TNNI3K: variants seen among roughly 807,000 people sequenced by gnomAD.
TNNI3K encodes TNNI3 interacting kinase, also known as serine/threonine-protein kinase TNNI3K.
Under a neutral mutation model 114.5 loss-of-function variants are expected in TNNI3K, and 140 were observed. The ratio of observed to expected loss-of-function variants is 1.22; its 90% confidence interval spans 1.07 to 1.41. The LOEUF (loss-of-function observed/expected upper bound fraction) is 1.41, where lower values mean the gene tolerates loss of function less well. Among genes scored for constraint, TNNI3K ranks in the 40% most tolerant of loss-of-function variants. The pLI is 0.00. For missense variants in TNNI3K, 1,125 were observed against 1,007.6 expected (o/e 1.12, Z -1.58); for synonymous variants, 347 against 347.5 (o/e 1.00, Z 0.02).
chr1:74,528,211 G>A (rs1646532213), intron 23 of TNNI3K, among the ~76,000 whole-genome samples: 1 of 152,202 alleles, frequency 6.6e-6, no homozygotes, highest in African/African-American at 2.4e-5. Context: ...AGTGCCTGGT[G>A]GAAGGAAGTT....
intron 20 of TNNI3K, among the ~76,000 whole-genome samples, chr1:74,460,087 T>A (rs180728548): frequency 6.6e-6 from 1 of 152,242 alleles, no homozygotes; most frequent in African/African-American, 2.4e-5. Context: ...AACTTTTTTT[T>A]TTTTTTGAGA....
At chr1:74,489,866 A>C (rs887977389) in intron 22 of TNNI3K, among the ~76,000 whole-genome samples, 1 of 152,120 alleles carries the variant, frequency 6.6e-6, no homozygotes, top group African/African-American at 2.4e-5. Context: ...CTACTTGAAA[A>C]ATAATATATT....
At position 74,353,159 on chromosome 1, in the gene TNNI3K, G is replaced by C. The variant is rs921666720; in HGVS notation, c.933-107G>C. The C allele has an allele frequency of 3.0e-5, 34 of 1,132,104 alleles. 1 individual carries two copies. The East Asian group carries it at 8.7e-4, about 29-fold the overall frequency. The allele number at this position is 1,132,104 out of a possible 1,614,324, so 70.1% of individuals were successfully genotyped here. On this transcript the variant is annotated intron_variant, in intron 9 of 24. Coordinates refer to ENST00000326637, the MANE Select transcript of TNNI3K (RefSeq NM_015978.3). ...AATACAGTCTCATTGTCAGGTTATG[G>C]GGGTTATAACTTCAGCATATGATTT...
intron 20 of TNNI3K, among the ~76,000 whole-genome samples, chr1:74,444,672 G>A (rs1485719853): frequency 2.0e-5 from 3 of 151,462 alleles, no homozygotes; most frequent in East Asian, 3.9e-4. Flanking sequence ...CACAGAATTA[G>A]AAAAAAAATT....
Position 74,463,483 on chromosome 1 carries a change from C to A in TNNI3K, c.2054C>A (p.Pro685His). ...ADMAYHHIRP[P>H]IGYSIPKPIS... ...ATGGCTTACCACCACATCAGACCTCCCATTGGCTATTCCATTCCCAAGCCC... is the reference window on the plus strand; with the variant it reads ...ATGGCTTACCACCACATCAGACCTCACATTGGCTATTCCATTCCCAAGCCC... Residue 685 changes from proline (P) to histidine (H), a missense_variant, in exon 21 of 25, where the codon CCC becomes CAC. Physicochemically the swap from Pro to His is moderately conservative, Grantham distance 77 (BLOSUM62 -2). Transcript: ENST00000326637. 1 of 1,614,198 alleles carries A rather than the reference C, an allele frequency of 6.2e-7. No homozygotes were observed. Among genetic ancestry groups the A allele is most frequent in the East Asian group, 2.2e-5 (1 of 44,882 alleles).
chr1:74,531,256 C>A (rs993251836), intron 23 of TNNI3K, among the ~76,000 whole-genome samples: 2 of 152,194 alleles, frequency 1.3e-5, no homozygotes, highest in Admixed American at 1.3e-4. Context: ...CAATTTAGGA[C>A]ATTGTCAAGT....
At chr1:74,532,522 T>C (rs1032223888) in intron 23 of TNNI3K, among the ~76,000 whole-genome samples, 7 of 152,052 alleles carry the variant, frequency 4.6e-5, no homozygotes, top group African/African-American at 1.7e-4. Context: ...ATGTGCACAA[T>C]GTGCAGGTTA....
chr1:74,352,473 G>A (rs896212032), intron 9 of TNNI3K, among the ~76,000 whole-genome samples: 5 of 152,220 alleles, frequency 3.3e-5, no homozygotes, highest in African/African-American at 1.2e-4. Flanking sequence ...CATGCTGGGA[G>A]AACCACTACT....
At chr1:74,465,807 C>T (rs188787027) in intron 21 of TNNI3K, among the ~76,000 whole-genome samples, 157 of 152,250 alleles carry the variant, frequency 1.0e-3, no homozygotes, top group African/African-American at 3.5e-3. Context: ...AGCTCAGGGA[C>T]CGTAAACACA....
chr1:74,498,472 T>A (rs1428893662), intron 23 of TNNI3K, among the ~76,000 whole-genome samples: 2 of 152,224 alleles, frequency 1.3e-5, no homozygotes, highest in Admixed American at 6.5e-5. Context: ...AATTCTCTTC[T>A]TTTTTGTTTT....
chr1:74,342,267 A>G (rs1660783674), intron 7 of TNNI3K, among the ~76,000 whole-genome samples: 2 of 152,232 alleles, frequency 1.3e-5, no homozygotes, highest in Non-Finnish European at 2.9e-5. Context: ...TAACCTGTCT[A>G]AAGTAAAAGA....
chr1:74,240,835 G>A (rs1654149751), intron 2 of TNNI3K: 1 of 151,304 alleles, frequency 6.6e-6, no homozygotes, highest in African/African-American at 2.4e-5. Flanking sequence ...ACAACATGCA[G>A]GTTAGTTACA....
At position 74,319,305 on chromosome 1, in the gene TNNI3K, G is replaced by A. The variant is rs552661960; in HGVS notation, c.445-12145G>A. On this transcript the variant is annotated intron_variant, in intron 5 of 24. Coordinates refer to ENST00000326637, the MANE Select transcript of TNNI3K (RefSeq NM_015978.3). ...GGCACCTGAGGGAGAGGTCAAGAGA[G>A]TATAAGACAAAATCATAATCTTGTT... Among the ~76,000 whole-genome samples the A allele has an allele frequency of 9.2e-5, 14 of 152,272 alleles. 1 individual carries two copies. Among genetic ancestry groups the A allele is most frequent in the Admixed American group, 7.2e-4 (11 of 15,310 alleles).
At chr1:74,521,520 A>G (rs966057145) in intron 23 of TNNI3K, among the ~76,000 whole-genome samples, 16 of 152,120 alleles carry the variant, frequency 1.1e-4, no homozygotes, top group Non-Finnish European at 1.9e-4. Flanking sequence ...GTATGTGTAT[A>G]TATATATATA....
Position 74,534,195 on chromosome 1 carries a change from A to G in TNNI3K, c.2352-6039A>G, listed in dbSNP as rs564761771. 4.3e-5 allele frequency among the ~76,000 whole-genome samples: 6 copies of G among 138,590 alleles called. No homozygotes were observed. The East Asian group carries it at 9.2e-4, about 21-fold the overall frequency. The allele number at this position is 138,590 out of a possible 152,430, so 90.9% of individuals were successfully genotyped here. A position where few individuals can be genotyped will look rare whatever the true frequency, so the allele number is the denominator to read the frequency against. On this transcript the variant is annotated intron_variant, in intron 23 of 24. Coordinates refer to ENST00000326637, the MANE Select transcript of TNNI3K (RefSeq NM_015978.3). The stretch of plus-strand genomic sequence containing the variant: ...GTTCTGGGTCTCTTTATTTAAAACA[A>G]TTCTCTGTAATTGTTTTAATTTCAC...
At chr1:74,347,450 G>T (rs1049009796) in intron 9 of TNNI3K, among the ~76,000 whole-genome samples, 1 of 151,884 alleles carries the variant, frequency 6.6e-6, no homozygotes, top group Admixed American at 6.6e-5. Context: ...GAATAGTGCC[G>T]CAATAAACAT....
chr1:74,392,865 A>G (rs1663864008), intron 17 of TNNI3K, among the ~76,000 whole-genome samples: 1 of 152,224 alleles, frequency 6.6e-6, no homozygotes, highest in Non-Finnish European at 1.5e-5. Context: ...GGGAAGCATA[A>G]TTAAGGTTCA....
intron 23 of TNNI3K, among the ~76,000 whole-genome samples, chr1:74,494,068 G>A (rs114597575): frequency 6.6e-6 from 1 of 152,146 alleles, no homozygotes; most frequent in African/African-American, 2.4e-5. Flanking sequence ...ACCCTGAAGA[G>A]TGCATACTTT....
intron 21 of TNNI3K, 78 bp from the exon 22 acceptor site, chr1:74,489,111 A>C (rs867309470): frequency 1.7e-6 from 2 of 1,199,656 alleles, no homozygotes; most frequent in Middle Eastern, 2.7e-4. Flanking sequence ...TACAAATGCT[A>C]ATACCCAATT....
Sources: allele counts gnomAD v4.1 joint callset (sites outside exome capture counted in the v4.1 genomes callset), GRCh38; gene constraint gnomAD v4.1.1; transcripts MANE v1.5; gene names NCBI Gene and HGNC (gene_info 2026-07-23, HGNC 2026-07-21).